The following RELN variants were observed in gnomAD, a reference collection of about 807,000 sequenced individuals.
The protein encoded by RELN is reelin.
Under a neutral mutation model 427.6 loss-of-function variants are expected in RELN, and 108 were observed. That is an observed-to-expected ratio of 0.25 (90% CI 0.22 to 0.30). The LOEUF (loss-of-function observed/expected upper bound fraction) is 0.30, where lower values mean the gene tolerates loss of function less well. Ranked by LOEUF, RELN falls within the 10% of genes least tolerant of loss-of-function variation. The pLI, the probability that RELN is intolerant of heterozygous loss-of-function variation, is 1.00. For synonymous variants in RELN, 1,524 were observed against 1,513.4 expected, an observed-to-expected ratio of 1.01 and a Z score of -0.16; for missense variants, 3,715 against 4,302.8, an observed-to-expected ratio of 0.86 and a Z score of 3.82.
chr7:103,983,076 G>GT (rs1797024736), intron 1 of RELN, among the ~76,000 whole-genome samples: 2 of 152,226 alleles, frequency 1.3e-5, no homozygotes, highest in African/African-American at 4.8e-5. Flanking sequence ...CAGAACGCTT[G>GT]TAACTATTTC....
chr7:103,612,393 A>G (rs1772227127), intron 20 of RELN, among the ~76,000 whole-genome samples: 1 of 150,088 alleles, frequency 6.7e-6, no homozygotes, highest in Admixed American at 6.7e-5. Flanking sequence ...CTCCTGCCTC[A>G]GCCTCCCTAG....
Position 103,629,927 on chromosome 7 carries a change from A to G in RELN, c.2702+13T>C, listed in dbSNP as rs1472851873. The G allele has an allele frequency of 6.8e-7, 1 of 1,466,442 alleles. No individual in the cohort carries two copies. The highest frequency in any genetic ancestry group is 9.6e-7 in the Non-Finnish European group (1 of 1,045,606). The allele number at this position is 1,466,442 out of a possible 1,614,324, so 90.8% of individuals were successfully genotyped here. On this transcript the variant is annotated intron_variant, in intron 20 of 64. Coordinates refer to ENST00000428762, the MANE Select transcript of RELN (RefSeq NM_005045.4). ...AGTGCAAATTGTAACAATAACAATG[A>G]TGAAATCCTTACCAAAGGGTCCAGT... is the stretch of plus-strand genomic sequence containing the variant.
intron 3 of RELN, among the ~76,000 whole-genome samples, chr7:103,789,760 T>C (rs1792110866): frequency 6.6e-6 from 1 of 152,214 alleles, no homozygotes; most frequent in Non-Finnish European, 1.5e-5. Context: ...TCAACCATTG[T>C]AGAAGACAAT....
intron 45 of RELN, among the ~76,000 whole-genome samples, chr7:103,538,040 A>C (rs1418890882): frequency 1.3e-5 from 2 of 152,172 alleles, no homozygotes; most frequent in Non-Finnish European, 2.9e-5. Flanking sequence ...GTCTGTATCT[A>C]CTGAAGACAG....
chr7:103,821,824 A>G (rs749038484), intron 3 of RELN, among the ~76,000 whole-genome samples: 8 of 152,156 alleles, frequency 5.3e-5, no homozygotes, highest in Admixed American at 1.3e-4. Context: ...TCTTTCCTAT[A>G]AAATTTAGGA....
intron 3 of RELN, among the ~76,000 whole-genome samples, chr7:103,802,047 C>T (rs2116313936): frequency 6.6e-6 from 1 of 152,186 alleles, no homozygotes; most frequent in South Asian, 2.1e-4. Context: ...GTATATATTT[C>T]TTGAATTACT....
At chr7:103,842,601 CAA>C (rs1425547020) in intron 2 of RELN, among the ~76,000 whole-genome samples, 3 of 152,120 alleles carry the variant, frequency 2.0e-5, no homozygotes, top group Admixed American at 2.0e-4. Context: ...AGTAATGCTA[CAA>C]GATATTGAAT....
At chr7:103,958,830 C>T (rs1796489617) in intron 1 of RELN, among the ~76,000 whole-genome samples, 1 of 152,116 alleles carries the variant, frequency 6.6e-6, no homozygotes, top group Admixed American at 6.6e-5. Flanking sequence ...AGCCAGAGCC[C>T]TAGGGATCAT....
chr7:103,512,934 T>A (rs552608368), intron 50 of RELN: 1 of 152,276 alleles, frequency 6.6e-6, no homozygotes, highest in Non-Finnish European at 1.5e-5. Flanking sequence ...CCATATTGTG[T>A]CTTTTTGATT....
intron 1 of RELN, among the ~76,000 whole-genome samples, chr7:103,940,753 G>A (rs571453466): frequency 2.6e-5 from 4 of 152,144 alleles, no homozygotes; most frequent in Non-Finnish European, 5.9e-5. Context: ...TTCCTTTGGT[G>A]GTGGATTGGC....
At chr7:103,742,954 T>A (rs1440141652) in intron 6 of RELN, among the ~76,000 whole-genome samples, 1 of 151,502 alleles carries the variant, frequency 6.6e-6, no homozygotes, top group African/African-American at 2.4e-5. Flanking sequence ...GCAAGACACA[T>A]AATTGTCAGA....
Position 103,893,184 on chromosome 7 carries a change from C to T in RELN, c.337+23891G>A, listed in dbSNP as rs576526025. On this transcript the variant is annotated intron_variant, in intron 2 of 64. Transcript: ENST00000428762. ...AAGATGGAATGTAAGGATGCCAGCA[C>T]TCAGCTAGGGAGAGCCAGACCCCCC... is the stretch of plus-strand genomic sequence containing the variant. Among the ~76,000 whole-genome samples the T allele has an allele frequency of 3.3e-5, 5 of 152,272 alleles. No homozygotes were observed. In the South Asian group the frequency reaches 1.0e-3, roughly 32 times the overall value.
At chr7:103,520,965 T>A (rs1209349225) in intron 48 of RELN, among the ~76,000 whole-genome samples, 55 of 100,990 alleles carry the variant, frequency 5.4e-4, no homozygotes, top group Non-Finnish European at 1.2e-4. Context: ...TTATTTTTTT[T>A]TTTTTTTTTT....
chr7:103,861,362 G>A (rs937723488), intron 2 of RELN, among the ~76,000 whole-genome samples: 5 of 152,186 alleles, frequency 3.3e-5, no homozygotes, highest in African/African-American at 1.2e-4. Context: ...ATCAGTTTGG[G>A]GATGGGAAGG....
chr7:103,489,058 G>C (rs763009510), intron 60 of RELN, among the ~76,000 whole-genome samples: 1 of 152,198 alleles, frequency 6.6e-6, no homozygotes, highest in Non-Finnish European at 1.5e-5. Flanking sequence ...TTGGATCAAA[G>C]GAAAGCAGGC....
At chr7:103,581,581 G>A (rs533445764) in intron 28 of RELN, among the ~76,000 whole-genome samples, 36 of 152,194 alleles carry the variant, frequency 2.4e-4, no homozygotes, top group Non-Finnish European at 2.9e-5. Context: ...ACAGACCATG[G>A]TAGACAGTTA....
chr7:103,566,126 G>C (rs1830745052), intron 33 of RELN, 98 bp downstream of exon 33: 4 of 1,048,776 alleles, frequency 3.8e-6, no homozygotes, highest in Admixed American at 1.9e-5. Context: ...GGGTAGTTAG[G>C]CACACGGTTT....
intron 13 of RELN, among the ~76,000 whole-genome samples, chr7:103,653,761 T>C (rs1832970351): frequency 6.6e-6 from 1 of 152,006 alleles, no homozygotes. Flanking sequence ...CAAATACTCA[T>C]TATGACTGAC....
At chr7:103,756,246 A>G (rs1278134019) in intron 4 of RELN, among the ~76,000 whole-genome samples, 3 of 152,176 alleles carry the variant, frequency 2.0e-5, no homozygotes, top group Non-Finnish European at 4.4e-5. Flanking sequence ...ATACATCACA[A>G]TCAGCAGGAG....
Sources: allele counts gnomAD v4.1 joint callset (sites outside exome capture counted in the v4.1 genomes callset), GRCh38; gene constraint gnomAD v4.1.1; transcripts MANE v1.5; gene names NCBI Gene and HGNC (gene_info 2026-07-23, HGNC 2026-07-21).